The following COL6A6 variants were observed in gnomAD, a reference collection of about 807,000 sequenced individuals.
The protein encoded by COL6A6 is collagen type VI alpha 6 chain, also known as collagen alpha-6(VI) chain.
In COL6A6, 183 loss-of-function variants were observed where a neutral mutation model predicts 208.6. That is an observed-to-expected ratio of 0.88 (90% CI 0.78 to 0.99). The LOEUF is 0.99. COL6A6 is among the 50% of genes least tolerant of loss of function. COL6A6 has a pLI of 0.00. For missense variants in COL6A6, 2,816 were observed against 2,815.2 expected (o/e 1.00, Z -0.01); for synonymous variants, 973 against 1,011.8 (o/e 0.96, Z 0.73).
At chr3:130,531,458 C>T (rs2062093504) in intron 1 of COL6A6, among the ~76,000 whole-genome samples, 1 of 152,164 alleles carries the variant, frequency 6.6e-6, no homozygotes, top group Admixed American at 6.6e-5. Context: ...ATGAGCTCTT[C>T]CCCCTAGTTC....
rs758359623 is a variant in COL6A6, at chr3:130,581,635, C to T, written c.3622C>T (p.Pro1208Ser). 1 of 1,613,918 alleles carries T rather than the reference C, an allele frequency of 6.2e-7. No individual in the cohort carries two copies. Among genetic ancestry groups the T allele is most frequent in the South Asian group, 1.1e-5 (1 of 91,076 alleles). ...AGGGCAGACTTTGCTTGAAGGTCAG[C>T]CTTGGATGGAAACCTACCTTCAAGA... Reference protein sequence around the residue: ...EKGQTLLEGQPWMETYLQDIL... With the variant: ...EKGQTLLEGQSWMETYLQDIL... The change falls in exon 9 of 37, where the codon CCT becomes TCT. Residue 1208 changes from proline to serine, a missense_variant. Coordinates refer to ENST00000358511, the MANE Select transcript of COL6A6 (RefSeq NM_001102608.3).
chr3:130,572,391 T>G (rs571074967), intron 7 of COL6A6, among the ~76,000 whole-genome samples: 14 of 152,328 alleles, frequency 9.2e-5, no homozygotes, highest in African/African-American at 3.1e-4. Flanking sequence ...CCAAGATGTA[T>G]TTTACTAAAG....
intron 12 of COL6A6, 118 bp from the exon 13 acceptor site, chr3:130,590,923 A>G (rs554683132): frequency 3.9e-6 from 3 of 775,096 alleles, no homozygotes; most frequent in Admixed American, 2.4e-5. Flanking sequence ...AGGAAGGACC[A>G]TTTTTTTCAA....
chr3:130,599,465 G>A (rs1391605881), intron 19 of COL6A6, among the ~76,000 whole-genome samples: 3 of 152,158 alleles, frequency 2.0e-5, no homozygotes, highest in Admixed American at 6.5e-5. Context: ...TGGCAACGTA[G>A]TAGGGATAGT....
chr3:130,554,331 C>T (rs1401416067), intron 1 of COL6A6, among the ~76,000 whole-genome samples: 1 of 152,110 alleles, frequency 6.6e-6, no homozygotes, highest in Non-Finnish European at 1.5e-5. Flanking sequence ...ATGGTGTTGA[C>T]ATGGGGGTGG....
rs373457080 is a variant in COL6A6, at chr3:130,593,779, ACTAC to A, written c.4471-500_4471-497del. Among the ~76,000 whole-genome samples the A allele has an allele frequency of 1.2e-4, 19 of 152,320 alleles. No homozygotes were observed. In the East Asian group the frequency reaches 2.1e-3, roughly 17 times the overall value. On this transcript the variant is annotated intron_variant, in intron 17 of 36. Transcript: ENST00000358511. ...GAACTGGGGCCATCAATGACAAGCA[ACTAC>A]CATAGTAAGAATAGAAGTGGGGTGT... is the stretch of plus-strand genomic sequence containing the variant.
At chr3:130,532,542 G>A (rs1358238523) in intron 1 of COL6A6, among the ~76,000 whole-genome samples, 1 of 152,202 alleles carries the variant, frequency 6.6e-6, no homozygotes, top group Non-Finnish European at 1.5e-5. Context: ...ACTCATGAAT[G>A]TGACAGCAGT....
At chr3:130,671,220 T>C (rs1031209068) in intron 36 of COL6A6, among the ~76,000 whole-genome samples, 1 of 152,174 alleles carries the variant, frequency 6.6e-6, no homozygotes, top group Non-Finnish European at 1.5e-5. Context: ...TCTCCACATA[T>C]GTAGCCAGCC....
At chr3:130,545,452 A>AT (rs58217937) in intron 1 of COL6A6, among the ~76,000 whole-genome samples, 11 of 134,528 alleles carry the variant, frequency 8.2e-5, no homozygotes, top group South Asian at 2.4e-4. Flanking sequence ...GCTTTCAGGC[A>AT]TTTTTTTTTT....
intron 32 of COL6A6, 82 bp from the exon 33 acceptor site, chr3:130,648,987 C>G: frequency 1.3e-5 from 15 of 1,154,472 alleles, no homozygotes; most frequent in Non-Finnish European, 1.8e-5. Flanking sequence ...GAATGCTTAA[C>G]ATTTAAAATT....
chr3:130,675,994 T>C lies in COL6A6; in HGVS notation c.*597T>C, dbSNP rs1185000377. 3 of 152,196 alleles carry C rather than the reference T, an allele frequency of 2.0e-5. No individual in the cohort carries two copies. Among genetic ancestry groups the C allele is most frequent in the Non-Finnish European group, 4.4e-5 (3 of 68,034 alleles). The allele number at this position is 152,196 out of a possible 1,614,324, so 9.4% of individuals were successfully genotyped here. A position where few individuals can be genotyped will look rare whatever the true frequency, so the allele number is the denominator to read the frequency against. ...AATCCTCCTGAACTCACTGAAAAAC[T>C]CATTAATTCCCGCAGAACATAAATT... On this transcript the variant is annotated 3_prime_UTR_variant, in exon 37 of 37. Transcript: ENST00000358511.
intron 33 of COL6A6, among the ~76,000 whole-genome samples, chr3:130,656,281 T>A (rs1294225314): frequency 2.0e-5 from 3 of 152,186 alleles, no homozygotes; most frequent in Non-Finnish European, 2.9e-5. Context: ...CCTGGAAGAA[T>A]GAGGTACACA....
At chr3:130,524,141 G>A (rs947270093) in intron 1 of COL6A6, among the ~76,000 whole-genome samples, 1 of 152,198 alleles carries the variant, frequency 6.6e-6, no homozygotes, top group Non-Finnish European at 1.5e-5. Flanking sequence ...CTGGGTAGAG[G>A]CAAGCACTAA....
At position 130,675,985 on chromosome 3, in the gene COL6A6, C is replaced by T. The variant is rs530967890; in HGVS notation, c.*588C>T. 3.3e-4 allele frequency: 51 copies of T among 152,288 alleles called. No homozygotes were observed. The highest frequency in any genetic ancestry group is 2.6e-3 in the Admixed American group (39 of 15,288). 9.4% of individuals were successfully genotyped at this position (152,288 alleles called of 1,614,324 possible). Reference sequence around the variant, plus strand: ...CCATCTCTAAATCCTCCTGAACTCACTGAAAAACTCATTAATTCCCGCAGA... The same window carrying T: ...CCATCTCTAAATCCTCCTGAACTCATTGAAAAACTCATTAATTCCCGCAGA... On this transcript the variant is annotated 3_prime_UTR_variant, in exon 37 of 37. Transcript: ENST00000358511.
chr3:130,639,986 C>T (rs1318802831), intron 28 of COL6A6, among the ~76,000 whole-genome samples: 1 of 152,202 alleles, frequency 6.6e-6, no homozygotes. Flanking sequence ...CTCCCTGTCT[C>T]AGATACTGTA....
chr3:130,566,428 A>G (rs2063024808), intron 4 of COL6A6, among the ~76,000 whole-genome samples: 1 of 152,200 alleles, frequency 6.6e-6, no homozygotes, highest in Non-Finnish European at 1.5e-5. Context: ...TGTCTTGTAA[A>G]AAGCAGCTTC....
chr3:130,555,596 A>C (rs1648313685), intron 1 of COL6A6, among the ~76,000 whole-genome samples: 1 of 152,064 alleles, frequency 6.6e-6, no homozygotes, highest in Non-Finnish European at 1.5e-5. Flanking sequence ...TCCTTTTCCT[A>C]ATTTTAAAGA....
intron 1 of COL6A6, among the ~76,000 whole-genome samples, chr3:130,537,338 G>A (rs964056955): frequency 1.3e-5 from 2 of 152,166 alleles, no homozygotes; most frequent in African/African-American, 4.8e-5. Flanking sequence ...AATTAAGTGT[G>A]GCTCTTAGAA....
At chr3:130,656,181 C>T (rs1559793939) in intron 33 of COL6A6, among the ~76,000 whole-genome samples, 1 of 152,212 alleles carries the variant, frequency 6.6e-6, no homozygotes, top group Admixed American at 6.5e-5. Flanking sequence ...TCACCCACAA[C>T]GTGGTGAAAA....
Sources: gnomAD v4.1 joint callset for allele counts (sites outside exome capture counted in the v4.1 genomes callset) on GRCh38, gnomAD v4.1.1 for gene constraint, MANE v1.5 for transcripts, NCBI Gene and HGNC (gene_info 2026-07-23, HGNC 2026-07-21) for gene names.